RIN3: variants seen among roughly 807,000 people sequenced by gnomAD.
RIN3 encodes the protein Ras and Rab interactor 3.
A neutral mutation model predicts 76.3 loss-of-function variants in RIN3; 54 were observed. That is an observed-to-expected ratio of 0.71 (90% CI 0.57 to 0.89). The LOEUF is 0.89. Among genes scored for constraint, RIN3 ranks in the 40% least tolerant of loss-of-function variants. The pLI is 0.00. For synonymous variants in RIN3, 576 were observed against 564.0 expected (o/e 1.02, Z -0.30); for missense variants, 1,256 against 1,322.1 (o/e 0.95, Z 0.78).
At chr14:92,526,968 G>A (rs561254205) in intron 1 of RIN3, among the ~76,000 whole-genome samples, 6 of 151,914 alleles carry the variant, frequency 3.9e-5, no homozygotes, top group African/African-American at 1.2e-4. Flanking sequence ...CCCTTGGCTC[G>A]TGGCTGTACC....
chr14:92,518,298 C>G (rs1194993438), intron 1 of RIN3, among the ~76,000 whole-genome samples: 1 of 152,238 alleles, frequency 6.6e-6, no homozygotes, highest in Non-Finnish European at 1.5e-5. Flanking sequence ...GTCCTACATG[C>G]ACTTGGCACT....
chr14:92,533,767 G>A (rs997978856), intron 1 of RIN3, among the ~76,000 whole-genome samples: 4 of 152,152 alleles, frequency 2.6e-5, no homozygotes, highest in Non-Finnish European at 4.4e-5. Flanking sequence ...TGGGTACAGC[G>A]TATACTGCTC....
Position 92,648,603 on chromosome 14 carries a change from T to C in RIN3, c.533-2979T>C, listed in dbSNP as rs1008163932. ...CTCCACTCCGGCTAAGCTAATCCACTCATGGGTGCCAAGGGGCTGACACTG... is the reference window on the plus strand; with the variant it reads ...CTCCACTCCGGCTAAGCTAATCCACCCATGGGTGCCAAGGGGCTGACACTG... On this transcript the variant is annotated intron_variant, in intron 5 of 9. Coordinates refer to ENST00000216487, the MANE Select transcript of RIN3 (RefSeq NM_024832.5). This position sits in a 1 kb window ranked among gnomAD's most constrained non-coding sequence, Gnocchi z 4.1. Among the ~76,000 whole-genome samples, 4 of 152,078 alleles carry C rather than the reference T, an allele frequency of 2.6e-5. No homozygotes were observed. The highest frequency in any genetic ancestry group is 9.7e-5 in the African/African-American group (4 of 41,434).
intron 1 of RIN3, among the ~76,000 whole-genome samples, chr14:92,542,595 G>T (rs922787677): frequency 6.6e-6 from 1 of 152,046 alleles, no homozygotes; most frequent in Non-Finnish European, 1.5e-5. Flanking sequence ...TGAAAACATA[G>T]GTTCCATACA....
intron 1 of RIN3, among the ~76,000 whole-genome samples, chr14:92,545,492 C>T (rs555230432): frequency 9.9e-5 from 15 of 152,158 alleles, no homozygotes; most frequent in East Asian, 7.7e-4. Context: ...ACACTCCTTT[C>T]GCCAGATTCA....
chr14:92,582,442 CTTTTTT>C (rs35072092), intron 3 of RIN3, among the ~76,000 whole-genome samples: 1 of 117,564 alleles, frequency 8.5e-6, no homozygotes, highest in African/African-American at 3.1e-5. Flanking sequence ...TCCTTTTTTA[CTTTTTT>C]TTTTTTTTTT....
intron 3 of RIN3, among the ~76,000 whole-genome samples, chr14:92,600,704 G>A (rs760916868): frequency 3.3e-5 from 5 of 152,170 alleles, no homozygotes; most frequent in Non-Finnish European, 5.9e-5. Flanking sequence ...GGCTCCTGCC[G>A]GTTCACTCAA....
intron 7 of RIN3, among the ~76,000 whole-genome samples, chr14:92,668,763 G>A (rs1003826069): frequency 2.0e-5 from 3 of 152,280 alleles, no homozygotes; most frequent in Non-Finnish European, 2.9e-5. Flanking sequence ...GCTGGGGGCC[G>A]CCATGGGAAC....
intron 4 of RIN3, among the ~76,000 whole-genome samples, chr14:92,619,757 G>A (rs555901670): frequency 3.3e-5 from 5 of 152,200 alleles, no homozygotes; most frequent in South Asian, 4.1e-4. Context: ...TTATAATGGC[G>A]AATTTTAAAG....
In RIN3 at chr14:92,652,328, CG is replaced by C; in HGVS notation, c.1282del (p.Glu428ArgfsTer11). On this transcript the variant is annotated frameshift_variant, in exon 6 of 10. Coordinates refer to ENST00000216487, the MANE Select transcript of RIN3 (RefSeq NM_024832.5). LOFTEE classifies it high-confidence loss of function. The surrounding 1 kb of genome is among the most constrained non-coding windows in gnomAD (Gnocchi z 6.4). ...GTSDGPEDTP[R>X]ESTEQGQDTE... ...CTCAGACGGCCCTGAGGACACGCCCCGGGAGAGCACGGAGCAAGGCCAGGAC... is the reference window on the plus strand; with the variant it reads ...CTCAGACGGCCCTGAGGACACGCCCCGGAGAGCACGGAGCAAGGCCAGGAC... The C allele has an allele frequency of 6.2e-7, 1 of 1,603,838 alleles. No individual in the cohort carries two copies. Among genetic ancestry groups the C allele is most frequent in the Non-Finnish European group, 8.5e-7 (1 of 1,173,782 alleles).
chr14:92,539,171 G>A (rs984303824), intron 1 of RIN3, among the ~76,000 whole-genome samples: 3 of 152,062 alleles, frequency 2.0e-5, no homozygotes, highest in Admixed American at 6.5e-5. Context: ...TGAAGTTTCT[G>A]GGGATCTTGG....
intron 3 of RIN3, among the ~76,000 whole-genome samples, chr14:92,584,046 G>A (rs905004867): frequency 6.6e-6 from 1 of 152,190 alleles, no homozygotes; most frequent in Admixed American, 6.5e-5. Context: ...TGGCCCAGGA[G>A]TTGGGGACCC....
Position 92,685,136 on chromosome 14 carries a change from C to A in RIN3, c.2617C>A (p.Arg873Ser). Residue 873 changes from arginine to serine, a missense_variant, in exon 9 of 10, where the codon CGC becomes AGC. Transcript: ENST00000216487. The surrounding 1 kb of genome is among the most constrained non-coding windows in gnomAD (Gnocchi z 4.7). ...TACTCTCAACAAGGCCCGGGCCTCCCGCTCCTCCGTACAGGTGAGGCCTGA... is the reference window on the plus strand; with the variant it reads ...TACTCTCAACAAGGCCCGGGCCTCCAGCTCCTCCGTACAGGTGAGGCCTGA... ...RRTLNKARASRSSVQDFICVS... is the reference protein window; with the variant it reads ...RRTLNKARASSSSVQDFICVS... 1 of 1,611,516 alleles carries A rather than the reference C, an allele frequency of 6.2e-7. No individual in the cohort carries two copies. Among genetic ancestry groups the A allele is most frequent in the Non-Finnish European group, 8.5e-7 (1 of 1,178,854 alleles).
intron 2 of RIN3, among the ~76,000 whole-genome samples, chr14:92,556,382 A>G (rs1305383148): frequency 6.6e-6 from 1 of 152,178 alleles, no homozygotes; most frequent in African/African-American, 2.4e-5. Flanking sequence ...ATATGCAAAT[A>G]AGGGGCTGTG....
intron 3 of RIN3, among the ~76,000 whole-genome samples, chr14:92,593,224 A>G (rs1263543521): frequency 6.6e-6 from 1 of 152,258 alleles, no homozygotes; most frequent in Non-Finnish European, 1.5e-5. Context: ...TTAAAACTAC[A>G]AAAGGCAGAA....
chr14:92,624,357 G>A (rs993359284), intron 4 of RIN3, among the ~76,000 whole-genome samples: 1 of 152,172 alleles, frequency 6.6e-6, no homozygotes, highest in African/African-American at 2.4e-5. Flanking sequence ...CCATAGAAAC[G>A]GTTTAGGGTG....
At chr14:92,567,136 G>T (rs928580467) in intron 2 of RIN3, among the ~76,000 whole-genome samples, 3 of 152,078 alleles carry the variant, frequency 2.0e-5, no homozygotes, top group Admixed American at 2.0e-4. Context: ...TAGAGTGAGG[G>T]GCTGGACCAC....
chr14:92,591,588 G>C (rs376232756), intron 3 of RIN3, among the ~76,000 whole-genome samples: 54 of 151,902 alleles, frequency 3.6e-4, no homozygotes, highest in African/African-American at 8.9e-4. Context: ...AAAGCCAGAG[G>C]GGGGAGAAAA....
intron 1 of RIN3, among the ~76,000 whole-genome samples, chr14:92,539,119 C>A (rs1230444526): frequency 6.6e-6 from 1 of 152,050 alleles, no homozygotes; most frequent in Non-Finnish European, 1.5e-5. Flanking sequence ...TCCAGCTTGG[C>A]CCCTAAATCC....
Sources: allele counts gnomAD v4.1 joint callset (sites outside exome capture counted in the v4.1 genomes callset), GRCh38; gene constraint gnomAD v4.1.1; non-coding constraint Gnocchi (gnomAD v3.1); transcripts MANE v1.5; gene names NCBI Gene and HGNC (gene_info 2026-07-23, HGNC 2026-07-21).